Variants in RPS20 observed in about 807,000 individuals in gnomAD.
RPS20 encodes the protein ribosomal protein S20.
A neutral mutation model predicts 15.3 loss-of-function variants in RPS20; 3 were observed. That is an observed-to-expected ratio of 0.20 (90% confidence interval 0.09 to 0.51). The LOEUF (loss-of-function observed/expected upper bound fraction) is 0.51, where lower values mean the gene tolerates loss of function less well. RPS20 is among the 20% of genes least tolerant of loss of function. The pLI, the probability that RPS20 is intolerant of heterozygous loss-of-function variation, is 0.96. For synonymous variants in RPS20, 62 were observed against 47.8 expected (o/e 1.30, Z -1.23); for missense variants, 67 against 145.9 (o/e 0.46, Z 2.79).
rs1039228787 is a variant in RPS20, at chr8:56,074,448, G to T, written c.-65C>A. 7.8e-6 allele frequency: 12 copies of T among 1,529,214 alleles called. No individual in the cohort carries two copies. The African/African-American group carries it at 1.1e-4, about 14-fold the overall frequency. 94.7% of individuals were successfully genotyped at this position (1,529,214 alleles called of 1,614,324 possible). A position where few individuals can be genotyped will look rare whatever the true frequency, so the allele number is the denominator to read the frequency against. The stretch of plus-strand genomic sequence containing the variant: ...GCGAGAGCGAACAGCGGTGAGTCAG[G>T]AGCAGGAGCGTGCGGACCAAAAATC... On this transcript the variant is annotated 5_prime_UTR_variant, in exon 1 of 4. Transcript: ENST00000009589.
In RPS20 at chr8:56,074,485, C is replaced by T. The variant is rs972921689; in HGVS notation, c.-102G>A. ...GCGGACCAAAAATCCTCAGCCCTTA[C>T]GACCGCGTCTTCCTCAAAAAGAAAG... On this transcript the variant is annotated 5_prime_UTR_variant, in exon 1 of 4. Transcript: ENST00000009589. 5 of 1,303,716 alleles carry T rather than the reference C, an allele frequency of 3.8e-6. No homozygotes were observed. Among genetic ancestry groups the T allele is most frequent in the Middle Eastern group, 2.6e-4 (1 of 3,920 alleles). The allele number at this position is 1,303,716 out of a possible 1,614,324, so 80.8% of individuals were successfully genotyped here. A position where few individuals can be genotyped will look rare whatever the true frequency, so the allele number is the denominator to read the frequency against.
chr8:56,073,895 A>G (rs762783326), intron 2 of RPS20, 127 bp from the exon 3 acceptor site: 4 of 1,087,188 alleles, frequency 3.7e-6, no homozygotes, highest in African/African-American at 1.5e-5. Flanking sequence ...GTACCTCCTC[A>G]TCGCCAGCTG....
chr8:56,070,300 C>T (rs1455142456), downstream of RPS20, among the ~76,000 whole-genome samples: 2 of 152,150 alleles, frequency 1.3e-5, no homozygotes, highest in African/African-American at 2.4e-5. Context: ...AGTCAAGTAA[C>T]TTGATCGTCT....
chr8:56,074,339 C>T (rs753769887), intron 1 of RPS20, 42 bp downstream of exon 1: 31 of 1,548,108 alleles, frequency 2.0e-5, no homozygotes, highest in Non-Finnish European at 2.5e-5. Flanking sequence ...CCCCGGCGCC[C>T]GAGCCCTGCG....
downstream of RPS20, chr8:56,067,277 T>C (rs1386610986): frequency 6.6e-6 from 1 of 152,242 alleles, no homozygotes; most frequent in Non-Finnish European, 1.5e-5. Context: ...ATGTTTATTA[T>C]AGCATTATTC....
Position 56,073,850 on chromosome 8 carries a change from G to A in RPS20, c.104-82C>T, listed in dbSNP as rs1809842624. 10 of 1,327,924 alleles carry A rather than the reference G, an allele frequency of 7.5e-6. 1 individual carries two copies. Among genetic ancestry groups the A allele is most frequent in the East Asian group, 2.3e-5 (1 of 43,524 alleles). 82.3% of individuals were successfully genotyped at this position (1,327,924 alleles called of 1,614,324 possible). On this transcript the variant is annotated intron_variant, in intron 2 of 3. Transcript: ENST00000009589. The stretch of plus-strand genomic sequence containing the variant: ...CCTTCACTTCTGCTGGCTCAGAATA[G>A]CGTATAAAATTATCACCGTTACTCA...
chr8:56,074,214 G>A (rs1264269527), intron 1 of RPS20, 55 bp from the exon 2 acceptor site: 16 of 1,550,406 alleles, frequency 1.0e-5, no homozygotes, highest in Middle Eastern at 3.3e-4. Context: ...TGCCACTTCT[G>A]GAGAAAGGCA....
In RPS20 at chr8:56,074,488, C is replaced by T. The variant is rs758585331; in HGVS notation, c.-105G>A. ...GACCAAAAATCCTCAGCCCTTACGA[C>T]CGCGTCTTCCTCAAAAAGAAAGGGG... On this transcript the variant is annotated 5_prime_UTR_variant, in exon 1 of 4. Transcript: ENST00000009589. 33 of 1,269,490 alleles carry T rather than the reference C, an allele frequency of 2.6e-5. No homozygotes were observed. The African/African-American group carries it at 3.6e-4, about 14-fold the overall frequency. The allele number at this position is 1,269,490 out of a possible 1,614,324, so 78.6% of individuals were successfully genotyped here.
intron 3 of RPS20, 149 bp downstream of exon 3, chr8:56,073,546 A>C: frequency 1.4e-6 from 1 of 714,260 alleles, no homozygotes; most frequent in Non-Finnish European, 2.5e-6. Context: ...TTAGCTACTT[A>C]CTAGGAACCG....
rs770646504 is a variant in RPS20, at chr8:56,074,040, C to G, written c.103+20G>C. On this transcript the variant is annotated intron_variant, in intron 2 of 3. Coordinates refer to ENST00000009589, the MANE Select transcript of RPS20 (RefSeq NM_001023.4). ...TTTTCGCCCAATTCCCCCTCCCCCCCGCATAACGAATGCACTGACCCTTTT... is the reference window on the plus strand; with the variant it reads ...TTTTCGCCCAATTCCCCCTCCCCCCGGCATAACGAATGCACTGACCCTTTT... 1.9e-6 allele frequency: 3 copies of G among 1,588,870 alleles called. No individual in the cohort carries two copies. Among genetic ancestry groups the G allele is most frequent in the South Asian group, 1.1e-5 (1 of 90,576 alleles).
chr8:56,074,423 G>A lies in RPS20; in HGVS notation c.-40C>T, dbSNP rs928977407. On this transcript the variant is annotated 5_prime_UTR_variant, in exon 1 of 4. Transcript: ENST00000009589. ...GGCTTCCTGACCGACTTGTTCCTCG[G>A]CGAGAGCGAACAGCGGTGAGTCAGG... The A allele has an allele frequency of 1.3e-6, 2 of 1,550,380 alleles. No homozygotes were observed. The highest frequency in any genetic ancestry group is 1.4e-5 in the African/African-American group (1 of 73,464).
rs1487415974 is a variant in RPS20 at position 56,074,386 on chromosome 8, C to A, written c.-3G>T. ...GCCGCCGACTGCCGCCTCACCATGG[C>A]TGTTGCGCGCGGGCTTCCTGACCGA... is the stretch of plus-strand genomic sequence containing the variant. On this transcript the variant is annotated 5_prime_UTR_variant, in exon 1 of 4. Coordinates refer to ENST00000009589, the MANE Select transcript of RPS20 (RefSeq NM_001023.4). The A allele has an allele frequency of 3.2e-6, 5 of 1,560,324 alleles. No individual in the cohort carries two copies. The highest frequency in any genetic ancestry group is 4.3e-6 in the Non-Finnish European group (5 of 1,158,874).
At position 56,074,048 on chromosome 8, in the gene RPS20, G is replaced by C. The variant is rs772174267; in HGVS notation, c.103+12C>G. On this transcript the variant is annotated intron_variant, in intron 2 of 3. Transcript: ENST00000009589. The stretch of plus-strand genomic sequence containing the variant: ...CAATTCCCCCTCCCCCCCGCATAAC[G>C]AATGCACTGACCCTTTTCCAAGGAT... 19 of 1,602,096 alleles carry C rather than the reference G, an allele frequency of 1.2e-5. No homozygotes were observed. The highest frequency in any genetic ancestry group is 1.5e-5 in the Non-Finnish European group (18 of 1,169,444).
At chr8:56,069,666 G>A (rs1414117762), downstream of RPS20, 4 of 1,312,552 alleles carry the variant, frequency 3.0e-6, no homozygotes, top group Non-Finnish European at 4.3e-6. Flanking sequence ...AAACAAAAAA[G>A]AATACACTTC....
At chr8:56,073,558 A>G (rs1488130237) in intron 3 of RPS20, 137 bp downstream of exon 3, 1 of 752,080 alleles carries the variant, frequency 1.3e-6, no homozygotes, top group African/African-American at 1.7e-5. Context: ...TAGGAACCGC[A>G]ATCTACCACC....
downstream of RPS20, among the ~76,000 whole-genome samples, chr8:56,068,863 G>A (rs1281821688): frequency 3.2e-5 from 3 of 95,230 alleles, no homozygotes; most frequent in Non-Finnish European, 5.7e-5. Context: ...GTCTCAGTCT[G>A]TCGCCCAGGC....
In RPS20 at chr8:56,074,450, G is replaced by A; in HGVS notation, c.-67C>T. The A allele has an allele frequency of 6.6e-7, 1 of 1,524,470 alleles. No homozygotes were observed. Among genetic ancestry groups the A allele is most frequent in the East Asian group, 2.4e-5 (1 of 41,062 alleles). 94.4% of individuals were successfully genotyped at this position (1,524,470 alleles called of 1,614,324 possible). On this transcript the variant is annotated 5_prime_UTR_variant, in exon 1 of 4. Coordinates refer to ENST00000009589, the MANE Select transcript of RPS20 (RefSeq NM_001023.4). ...GAGAGCGAACAGCGGTGAGTCAGGA[G>A]CAGGAGCGTGCGGACCAAAAATCCT...
At chr8:56,073,897 C>G (rs766280220) in intron 2 of RPS20, 129 bp from the exon 3 acceptor site, 1 of 1,087,142 alleles carries the variant, frequency 9.2e-7, no homozygotes, top group Non-Finnish European at 1.4e-6. Context: ...ACCTCCTCAT[C>G]GCCAGCTGTA....
rs966731871 is a variant in RPS20, at chr8:56,074,323, G to A, written c.3+58C>T. The stretch of plus-strand genomic sequence containing the variant: ...CCTCAGGAGCACGAACTCGAAACCG[G>A]GGTCCCCCCGGCGCCCGAGCCCTGC... On this transcript the variant is annotated intron_variant, in intron 1 of 3. Transcript: ENST00000009589. The A allele has an allele frequency of 6.5e-6, 10 of 1,547,452 alleles. No homozygotes were observed. In the East Asian group the frequency reaches 2.4e-4, roughly 37 times the overall value.
Sources: gnomAD v4.1 joint callset for allele counts (sites outside exome capture counted in the v4.1 genomes callset) on GRCh38, gnomAD v4.1.1 for gene constraint, MANE v1.5 for transcripts, NCBI Gene and HGNC (gene_info 2026-07-23, HGNC 2026-07-21) for gene names.